The following NF1 variants were observed in gnomAD, a reference collection of about 807,000 sequenced individuals.
NF1 encodes neurofibromin 1.
Under a neutral mutation model 325.7 loss-of-function variants are expected in NF1, and 122 were observed. The observed-to-expected ratio is 0.37, with a 90% CI of 0.32 to 0.44. NF1 has a LOEUF of 0.44. NF1 is among the 20% of genes least tolerant of loss of function. The pLI, the probability that NF1 is intolerant of heterozygous loss-of-function variation, is 1.00. For missense variants in NF1, 2,140 were observed against 3,415.4 expected (o/e 0.63, Z 9.31); for synonymous variants, 1,091 against 1,186.0 (o/e 0.92, Z 1.65).
chr17:31,342,949 A>G, intron 47 of NF1, 60 bp from the exon 48 acceptor site: 3 of 1,600,060 alleles, frequency 1.9e-6, no homozygotes, highest in Non-Finnish European at 2.6e-6. Context: ...AAATTAAGTG[A>G]GCCTTTAAAG....
chr17:31,138,557 C>T (rs1003413766), intron 1 of NF1: 1 of 151,548 alleles, frequency 6.6e-6, no homozygotes, highest in African/African-American at 2.4e-5. Flanking sequence ...AGCCACTGCA[C>T]CTGGCCTGCT....
At chr17:31,290,784 T>A (rs1374307653) in intron 36 of NF1, among the ~76,000 whole-genome samples, 3 of 152,306 alleles carry the variant, frequency 2.0e-5, no homozygotes, top group Non-Finnish European at 2.9e-5. Context: ...GGCAAGCAGA[T>A]CACCTGAGGT....
chr17:31,161,766 T>A (rs1002308154), intron 3 of NF1, among the ~76,000 whole-genome samples: 10 of 152,216 alleles, frequency 6.6e-5, no homozygotes, highest in Admixed American at 5.9e-4. Context: ...CCGGGCACCA[T>A]GGCTCACGCC....
chr17:31,264,197 G>A (rs2067745187), intron 35 of NF1, among the ~76,000 whole-genome samples: 1 of 152,094 alleles, frequency 6.6e-6, no homozygotes, highest in African/African-American at 2.4e-5. Flanking sequence ...TCAGGAGTTC[G>A]AGGCAAGCCT....
Position 31,357,104 on chromosome 17 carries a change from C to CT in NF1, c.7869+19dup, listed in dbSNP as rs2151582627. 1 of 1,612,836 alleles carries CT rather than the reference C, an allele frequency of 6.2e-7. No individual in the cohort carries two copies. The highest frequency in any genetic ancestry group is 8.5e-7 in the Non-Finnish European group (1 of 1,179,928). On this transcript the variant is annotated intron_variant, in intron 53 of 57. Coordinates refer to ENST00000358273, the MANE Select transcript of NF1 (RefSeq NM_001042492.3). Reference sequence around the variant, plus strand: ...CTTACTGTTCTAGTAAGGATTTCCCCTTTTTGAGTCCCCCACCCTCAAATT... The same window carrying CT: ...CTTACTGTTCTAGTAAGGATTTCCCCTTTTTTGAGTCCCCCACCCTCAAATT...
intron 36 of NF1, chr17:31,318,337 C>T: frequency 1.2e-6 from 2 of 1,609,452 alleles, no homozygotes; most frequent in Non-Finnish European, 1.7e-6. Flanking sequence ...TTTTTCAGTT[C>T]CTTCTTCATC....
intron 1 of NF1, among the ~76,000 whole-genome samples, chr17:31,121,709 T>C (rs2143391363): frequency 6.6e-6 from 1 of 152,342 alleles, no homozygotes; most frequent in East Asian, 1.9e-4. Flanking sequence ...TGGTTCTGTT[T>C]ATGTGATGGA....
At position 31,374,511 on chromosome 17, in the gene NF1, G is replaced by A; in HGVS notation, c.*356G>A. 2.3e-6 allele frequency: 1 copy of A among 430,016 alleles called. No homozygotes were observed. Among genetic ancestry groups the A allele is most frequent in the Non-Finnish European group, 4.3e-6 (1 of 231,208 alleles). 26.6% of individuals were successfully genotyped at this position (430,016 alleles called of 1,614,324 possible). ...TACTGGCCAGTGATGAAAGCCATTT[G>A]CACAGAGCTCTGCCTTCTGTGGTTT... is the stretch of plus-strand genomic sequence containing the variant. On this transcript the variant is annotated 3_prime_UTR_variant, in exon 58 of 58. Transcript: ENST00000358273.
intron 29 of NF1, among the ~76,000 whole-genome samples, chr17:31,237,656 C>T (rs1439706743): frequency 4.8e-5 from 6 of 126,074 alleles, no homozygotes; most frequent in African/African-American, 9.0e-5. Context: ...CTCATGTCTA[C>T]TTTTTTTTTT....
At chr17:31,273,378 CA>C (rs933012775) in intron 36 of NF1, among the ~76,000 whole-genome samples, 1 of 152,044 alleles carries the variant, frequency 6.6e-6, no homozygotes, top group African/African-American at 2.4e-5. Flanking sequence ...TAGAAATGAA[CA>C]AAACCAACTC....
chr17:31,121,348 C>T (rs909971762), intron 1 of NF1, among the ~76,000 whole-genome samples: 1 of 149,902 alleles, frequency 6.7e-6, no homozygotes, highest in Non-Finnish European at 1.5e-5. Flanking sequence ...TATATTCATT[C>T]ATTCAACAAA....
At chr17:31,287,550 G>C (rs1335369327) in intron 36 of NF1, among the ~76,000 whole-genome samples, 2 of 107,658 alleles carry the variant, frequency 1.9e-5, no homozygotes, top group South Asian at 8.0e-4. Flanking sequence ...AACTGTGTGT[G>C]TGTGTGTGTG....
Position 31,270,556 on chromosome 17 carries a change from G to C in NF1, c.4835+5217G>C, listed in dbSNP as rs1238224567. Reference sequence around the variant, plus strand: ...TCCTGGGAGGTCAAGACTGCATTGAGCCGAGATCACACCACTGTACTCCAG... The same window carrying C: ...TCCTGGGAGGTCAAGACTGCATTGACCCGAGATCACACCACTGTACTCCAG... On this transcript the variant is annotated intron_variant, in intron 36 of 57. Transcript: ENST00000358273. Among the ~76,000 whole-genome samples the C allele has an allele frequency of 2.7e-5, 4 of 150,914 alleles. No individual in the cohort carries two copies. In the East Asian group the frequency reaches 7.8e-4, roughly 30 times the overall value.
intron 1 of NF1, among the ~76,000 whole-genome samples, chr17:31,120,111 A>G (rs1398915138): frequency 6.6e-6 from 1 of 152,118 alleles, no homozygotes; most frequent in African/African-American, 2.4e-5. Context: ...TTGGTTCCCT[A>G]TGAAATTTAA....
chr17:31,297,979 A>G (rs2068500557), intron 36 of NF1, among the ~76,000 whole-genome samples: 1 of 152,114 alleles, frequency 6.6e-6, no homozygotes, highest in African/African-American at 2.4e-5. Flanking sequence ...GTTTTATTTT[A>G]TATATTTGGA....
At chr17:31,359,228 G>A in intron 56 of NF1, 1 of 537,922 alleles carries the variant, frequency 1.9e-6, no homozygotes, top group Non-Finnish European at 3.3e-6. Flanking sequence ...TACAAACAAA[G>A]TCAACTTATG....
chr17:31,257,484 C>G (rs1005733244), intron 31 of NF1, among the ~76,000 whole-genome samples: 4 of 152,146 alleles, frequency 2.6e-5, no homozygotes, highest in African/African-American at 9.7e-5. Context: ...TTTTATAGCA[C>G]TCTTCCCGAG....
intron 11 of NF1, among the ~76,000 whole-genome samples, chr17:31,203,996 A>G (rs1567837227): frequency 6.6e-6 from 1 of 152,128 alleles, no homozygotes; most frequent in Non-Finnish European, 1.5e-5. Context: ...GCAGGTTCCT[A>G]GCAGTTACTA....
chr17:31,231,999 A>G, intron 24 of NF1, 74 bp from the exon 25 acceptor site: 1 of 840,110 alleles, frequency 1.2e-6, no homozygotes, highest in South Asian at 1.6e-5. Flanking sequence ...TAAGAGGTTT[A>G]TTTGAGGGGA....
Sources: allele counts gnomAD v4.1 joint callset (sites outside exome capture counted in the v4.1 genomes callset), GRCh38; gene constraint gnomAD v4.1.1; transcripts MANE v1.5; gene names NCBI Gene and HGNC (gene_info 2026-07-23, HGNC 2026-07-21).